Variants in PTBP1 observed in about 807,000 individuals in gnomAD.
The protein encoded by PTBP1 is polypyrimidine tract binding protein 1, also known as polypyrimidine tract-binding protein 1.
In PTBP1, 8 loss-of-function variants were observed where a neutral mutation model predicts 59.8. The observed-to-expected ratio is 0.13, with a 90% CI of 0.08 to 0.24. PTBP1 has a LOEUF of 0.24. PTBP1 is among the 10% of genes least tolerant of loss of function. The pLI, the probability that PTBP1 is intolerant of heterozygous loss-of-function variation, is 1.00. For synonymous variants in PTBP1, 490 were observed against 320.7 expected, an observed-to-expected ratio of 1.53 and a Z score of -5.64; for missense variants, 686 against 767.0, an observed-to-expected ratio of 0.89 and a Z score of 1.25.
intron 9 of PTBP1, chr19:806,190 C>G (rs911047293): frequency 4.1e-6 from 2 of 486,984 alleles, no homozygotes; most frequent in Non-Finnish European, 7.1e-6. Context: ...AGGCCCGGCC[C>G]GGCCCGTGCT....
At position 805,238 on chromosome 19, in the gene PTBP1, C is replaced by T. The variant is rs377123149; in HGVS notation, c.892+51C>T. The T allele has an allele frequency of 6.3e-3, 9,999 of 1,593,118 alleles. 52 individuals carry two copies. Among genetic ancestry groups the T allele is most frequent in the Non-Finnish European group, 7.4e-3 (8,680 of 1,167,600 alleles). On this transcript the variant is annotated intron_variant, in intron 8 of 14. Coordinates refer to ENST00000356948, the MANE Select transcript of PTBP1 (RefSeq NM_002819.5). ...AGTGTGCAGAGTGGTCTATTAGGGC[C>T]GCTCAGTCCGGAGCCCCGGCGGCAC...
chr19:806,839 A>G (rs1305019215), intron 10 of PTBP1: 1 of 318,862 alleles, frequency 3.1e-6, no homozygotes. Context: ...GGAGCTGAGC[A>G]GGGCGCGCAG....
At chr19:805,323 G>C (rs908192843) in intron 8 of PTBP1, 136 bp downstream of exon 8, 1 of 1,224,634 alleles carries the variant, frequency 8.2e-7, no homozygotes, top group Non-Finnish European at 1.2e-6. Flanking sequence ...AGCACAGCAC[G>C]GTCCAGTGTC....
At chr19:805,721 G>A in intron 9 of PTBP1, 152 bp downstream of exon 9, 2 of 702,328 alleles carry the variant, frequency 2.8e-6, no homozygotes, top group Non-Finnish European at 2.5e-6. Context: ...CACGTCCACA[G>A]AGCAGGCTTG....
rs2034839680 is a variant in PTBP1, at chr19:811,032, T to G, written c.*206T>G. ...AGGGACAGCTCAGGCTCTTGGTGAC[T>G]GTGGCAGCGGGAGTTCCCGGCCCTC... On this transcript the variant is annotated 3_prime_UTR_variant, in exon 15 of 15. Transcript: ENST00000356948. 1.9e-6 allele frequency: 1 copy of G among 522,404 alleles called. No homozygotes were observed. The highest frequency in any genetic ancestry group is 4.3e-5 in the Admixed American group (1 of 23,094). The allele number at this position is 522,404 out of a possible 1,614,324, so 32.4% of individuals were successfully genotyped here.
At chr19:807,996 CTGA>C (rs2034657649) in intron 11 of PTBP1, 94 bp downstream of exon 11, 3 of 1,169,100 alleles carry the variant, frequency 2.6e-6, no homozygotes, top group East Asian at 4.7e-5. Context: ...GTTTGGCACT[CTGA>C]TGCTCCGTGG....
At chr19:799,465 T>A (rs747819065) in intron 2 of PTBP1, 22 bp downstream of exon 2, 2 of 1,612,692 alleles carry the variant, frequency 1.2e-6, no homozygotes, top group African/African-American at 2.7e-5. Context: ...TCACTTTGCT[T>A]CTCCGTGACG....
In PTBP1 at chr19:808,452, G is replaced by T. The variant is rs1354392982; in HGVS notation, c.1246G>T (p.Ala416Ser). The part of the protein sequence containing the change: ...QMADGNQAQL[A>S]MSHLNGHKLH... ...GGCGGACGGCAACCAGGCCCAGCTG[G>T]GTAAGAGGCCGGGGCGGCCCCGGGG... The change falls in exon 12 of 15, where the codon GCC becomes TCC. Residue 416 changes from alanine to serine, a missense_variant and splice_region_variant. By Grantham distance (99) the Ala-to-Ser change is moderately conservative (BLOSUM62 1). Transcript: ENST00000356948. The surrounding 1 kb of genome is among the most constrained non-coding windows in gnomAD (Gnocchi z 4.7). 6.2e-7 allele frequency: 1 copy of T among 1,600,102 alleles called. No individual in the cohort carries two copies. The highest frequency in any genetic ancestry group is 2.3e-5 in the East Asian group (1 of 44,334).
At position 801,259 on chromosome 19, in the gene PTBP1, A is replaced by G. The variant is rs540598705; in HGVS notation, c.39+1816A>G. On this transcript the variant is annotated intron_variant, in intron 2 of 14. Transcript: ENST00000356948. The stretch of plus-strand genomic sequence containing the variant: ...CTGGCAGCTGCTGTGAAGGCAGTGG[A>G]GGCGCTAGGCCCAGCTCGTGTCTCC... Among the ~76,000 whole-genome samples the G allele has an allele frequency of 5.9e-5, 9 of 152,280 alleles. No individual in the cohort carries two copies. The East Asian group carries it at 1.7e-3, about 29-fold the overall frequency.
At chr19:797,917 C>G (rs952585773) in intron 1 of PTBP1, among the ~76,000 whole-genome samples, 1 of 148,752 alleles carries the variant, frequency 6.7e-6, no homozygotes, top group Non-Finnish European at 1.5e-5. Flanking sequence ...GCCCGTCGCG[C>G]GTCCCCGTTG....
Position 804,822 on chromosome 19 carries a change from C to T in PTBP1, c.607-7C>T. 6.2e-7 allele frequency: 1 copy of T among 1,612,690 alleles called. No individual in the cohort carries two copies. The highest frequency in any genetic ancestry group is 1.3e-5 in the African/African-American group (1 of 75,000). On this transcript the variant is annotated splice_polypyrimidine_tract_variant and splice_region_variant and intron_variant, in intron 6 of 14. Coordinates refer to ENST00000356948, the MANE Select transcript of PTBP1 (RefSeq NM_002819.5). The stretch of plus-strand genomic sequence containing the variant: ...CAGGAGCTCATGCTGTGGCCCGGGA[C>T]CTGCAGATTTTCTCCAAGTTCGGCA...
rs2034668901 is a variant in PTBP1 at position 808,261 on chromosome 19, C to T, written c.1154-99C>T. 7 of 1,047,324 alleles carry T rather than the reference C, an allele frequency of 6.7e-6. No homozygotes were observed. Among genetic ancestry groups the T allele is most frequent in the Non-Finnish European group, 1.0e-5 (7 of 698,176 alleles). 64.9% of individuals were successfully genotyped at this position (1,047,324 alleles called of 1,614,324 possible). The stretch of plus-strand genomic sequence containing the variant: ...GGCCGATAAAGCAAACCCGGCCGGG[C>T]TGAGCCGGGCCTTGTGGGGGTGCGC... On this transcript the variant is annotated intron_variant, in intron 11 of 14. Transcript: ENST00000356948. The surrounding 1 kb of genome is among the most constrained non-coding windows in gnomAD (Gnocchi z 4.7).
chr19:805,436 C>T lies in PTBP1; in HGVS notation c.893-56C>T, dbSNP rs932915911. 23 of 1,518,806 alleles carry T rather than the reference C, an allele frequency of 1.5e-5. No homozygotes were observed. In the Admixed American group the frequency reaches 2.3e-4, roughly 15 times the overall value. The allele number at this position is 1,518,806 out of a possible 1,614,324, so 94.1% of individuals were successfully genotyped here. A position where few individuals can be genotyped will look rare whatever the true frequency, so the allele number is the denominator to read the frequency against. The stretch of plus-strand genomic sequence containing the variant: ...GGTTGGGGCCCATCCCGCAGCACAG[C>T]GCCCGCTCGCGGTGGAGGTTGTGGG... On this transcript the variant is annotated intron_variant, in intron 8 of 14. Transcript: ENST00000356948.
intron 2 of PTBP1, among the ~76,000 whole-genome samples, chr19:802,631 A>G (rs760992478): frequency 6.6e-6 from 1 of 152,178 alleles, no homozygotes; most frequent in Non-Finnish European, 1.5e-5. Context: ...CAGCGCCTGC[A>G]GAGGCTCGCT....
rs201398904 is a variant in PTBP1 at position 808,991 on chromosome 19, ATG to A, written c.1463+231_1463+232del. Among the ~76,000 whole-genome samples the A allele has an allele frequency of 9.9e-3, 1,502 of 152,252 alleles. 11 individuals carry two copies. The highest frequency in any genetic ancestry group is 0.015 in the Non-Finnish European group (997 of 68,022). On this transcript the variant is annotated intron_variant, in intron 13 of 14. Transcript: ENST00000356948. This position sits in a 1 kb window ranked among gnomAD's most constrained non-coding sequence, Gnocchi z 4.7. ...GGCTCAGGGGATGCTCCCTGTGAGA[ATG>A]TATAATGCACACATTTATTTATTTA...
chr19:797,742 C>T (rs1363378307), intron 1 of PTBP1, among the ~76,000 whole-genome samples: 6 of 147,596 alleles, frequency 4.1e-5, no homozygotes, highest in South Asian at 4.2e-4. Context: ...CGCGCCCCGT[C>T]CCTAGCGCAC....
intron 9 of PTBP1, 30 bp from the exon 10 acceptor site, chr19:806,378 C>T (rs749117345): frequency 2.5e-6 from 4 of 1,578,680 alleles, no homozygotes; most frequent in South Asian, 2.3e-5. Flanking sequence ...TCGGGGGCGC[C>T]GCCGCTCATC....
Position 810,878 on chromosome 19 carries a change from G to C in PTBP1, c.*52G>C. Reference sequence around the variant, plus strand: ...CCTGGCGACAACTTCCATCATTCCAGAGAAAAGCCACTTTAAAAACAGCTG... The same window carrying C: ...CCTGGCGACAACTTCCATCATTCCACAGAAAAGCCACTTTAAAAACAGCTG... On this transcript the variant is annotated 3_prime_UTR_variant, in exon 15 of 15. Coordinates refer to ENST00000356948, the MANE Select transcript of PTBP1 (RefSeq NM_002819.5). 6.8e-7 allele frequency: 1 copy of C among 1,480,078 alleles called. No individual in the cohort carries two copies. Among genetic ancestry groups the C allele is most frequent in the Non-Finnish European group, 8.9e-7 (1 of 1,120,502 alleles). The allele number at this position is 1,480,078 out of a possible 1,614,324, so 91.7% of individuals were successfully genotyped here. A position where few individuals can be genotyped will look rare whatever the true frequency, so the allele number is the denominator to read the frequency against.
At position 808,958 on chromosome 19, in the gene PTBP1, G is replaced by GA. The variant is rs2034716065; in HGVS notation, c.1463+197dup. On this transcript the variant is annotated intron_variant, in intron 13 of 14. Coordinates refer to ENST00000356948, the MANE Select transcript of PTBP1 (RefSeq NM_002819.5). This position sits in a 1 kb window ranked among gnomAD's most constrained non-coding sequence, Gnocchi z 4.7. Reference sequence around the variant, plus strand: ...AGGGAGGGGGTCGTTGGACACTTTGGAGGTTTTGGCTCAGGGGATGCTCCC... The same window carrying GA: ...AGGGAGGGGGTCGTTGGACACTTTGGAAGGTTTTGGCTCAGGGGATGCTCCC... Among the ~76,000 whole-genome samples the GA allele has an allele frequency of 2.0e-5, 3 of 152,304 alleles. No individual in the cohort carries two copies. The South Asian group carries it at 6.2e-4, about 32-fold the overall frequency.
Sources: allele counts gnomAD v4.1 joint callset (sites outside exome capture counted in the v4.1 genomes callset), GRCh38; gene constraint gnomAD v4.1.1; non-coding constraint Gnocchi (gnomAD v3.1); transcripts MANE v1.5; gene names NCBI Gene and HGNC (gene_info 2026-07-23, HGNC 2026-07-21).